Variants in NEK5 observed in about 807,000 individuals in gnomAD.
NEK5 encodes NIMA related kinase 5.
A neutral mutation model predicts 109.2 loss-of-function variants in NEK5; 88 were observed. The ratio of observed to expected loss-of-function variants is 0.81; its 90% CI spans 0.68 to 0.96. The LOEUF (loss-of-function observed/expected upper bound fraction) is 0.96. NEK5 is among the 40% of genes least tolerant of loss of function. The pLI is 0.00. For synonymous variants in NEK5, 283 were observed against 299.9 expected (o/e 0.94, Z 0.58); for missense variants, 834 against 920.7 (o/e 0.91, Z 1.22).
Position 52,118,988 on chromosome 13 carries a change from T to C in NEK5, c.214+331A>G, listed in dbSNP as rs1308590984. Among the ~76,000 whole-genome samples, 6 of 152,204 alleles carry C rather than the reference T, an allele frequency of 3.9e-5. No individual in the cohort carries two copies. In the South Asian group the frequency reaches 1.0e-3, roughly 26 times the overall value. ...ACCCCAGCCCACCACAGCTAGCATG[T>C]AATGTAAGTGAGAAATAGATGTGTC... On this transcript the variant is annotated intron_variant, in intron 4 of 23. Coordinates refer to ENST00000684899, the MANE Select transcript of NEK5 (RefSeq NM_001365552.1).
chr13:52,075,735 G>T (rs1279946474), intron 19 of NEK5, 23 bp downstream of exon 19: 4 of 1,429,994 alleles, frequency 2.8e-6, no homozygotes, highest in Non-Finnish European at 3.8e-6. Context: ...CCTACTAATG[G>T]AAATTTAGAC....
intron 21 of NEK5, among the ~76,000 whole-genome samples, chr13:52,064,529 C>T (rs1954655996): frequency 6.6e-6 from 1 of 151,266 alleles, no homozygotes; most frequent in African/African-American, 2.4e-5. Context: ...GGCCAGCCGC[C>T]CCGTCCGGGA....
chr13:52,107,529 T>A, intron 8 of NEK5, among the ~76,000 whole-genome samples: 1 of 151,314 alleles, frequency 6.6e-6, no homozygotes, highest in Non-Finnish European at 1.5e-5. Flanking sequence ...GAGGTGGAGG[T>A]TGCAGTGAGC....
chr13:52,081,064 C>T (rs1955003052), intron 17 of NEK5, among the ~76,000 whole-genome samples: 1 of 151,488 alleles, frequency 6.6e-6, no homozygotes, highest in Non-Finnish European at 1.5e-5. Context: ...GAGGCTGGAA[C>T]ATTCTGTTAG....
chr13:52,090,111 A>G (rs1189809253), intron 13 of NEK5, among the ~76,000 whole-genome samples: 3 of 152,222 alleles, frequency 2.0e-5, no homozygotes, highest in Non-Finnish European at 1.5e-5. Flanking sequence ...GGAAAGAAAT[A>G]ATGGTTTAGC....
intron 20 of NEK5, 29 bp from the exon 21 acceptor site, chr13:52,065,638 C>A (rs370528946): frequency 6.5e-7 from 1 of 1,528,220 alleles, no homozygotes; most frequent in Admixed American, 1.7e-5. Flanking sequence ...CTCATTAATT[C>A]GAAAGCAGTC....
chr13:52,087,334 TA>T lies in NEK5; in HGVS notation c.1392+3del. On this transcript the variant is annotated splice_donor_region_variant and intron_variant, in intron 15 of 23. Transcript: ENST00000684899. ...GGTAGCCCTGGAATTAAACAGTTTT[TA>T]ACCTGTTCCTTCATTTCGTTTTTCC... is the stretch of plus-strand genomic sequence containing the variant. The T allele has an allele frequency of 7.0e-7, 1 of 1,424,832 alleles. No homozygotes were observed. Among genetic ancestry groups the T allele is most frequent in the Non-Finnish European group, 9.9e-7 (1 of 1,007,858 alleles). 88.3% of individuals were successfully genotyped at this position (1,424,832 alleles called of 1,614,324 possible). A position where few individuals can be genotyped will look rare whatever the true frequency, so the allele number is the denominator to read the frequency against.
chr13:52,087,483 G>T (rs924560811), intron 14 of NEK5, 29 bp from the exon 15 acceptor site: 29 of 1,114,632 alleles, frequency 2.6e-5, no homozygotes, highest in African/African-American at 6.2e-5. Context: ...AATTTATAAT[G>T]CATACTTTGA....
chr13:52,056,586 T>A (rs2137717008), intron 22 of NEK5, among the ~76,000 whole-genome samples: 1 of 147,300 alleles, frequency 6.8e-6, no homozygotes, highest in African/African-American at 2.5e-5. Flanking sequence ...ACAGAAATTA[T>A]AACAAACTAT....
intron 8 of NEK5, among the ~76,000 whole-genome samples, chr13:52,107,015 C>T (rs920014146): frequency 1.1e-4 from 17 of 152,088 alleles, no homozygotes; most frequent in African/African-American, 4.1e-4. Flanking sequence ...TCATCCTCTT[C>T]AATCTTTCTT....
chr13:52,076,144 C>G lies in NEK5; in HGVS notation c.1573-1G>C. On this transcript the variant is annotated splice_acceptor_variant, in intron 17 of 23. Coordinates refer to ENST00000684899, the MANE Select transcript of NEK5 (RefSeq NM_001365552.1). LOFTEE classifies it high-confidence loss of function. ...TTTGTTTCAAGTCTTTTTCAATGTC[C>G]TGAAAATTTAGAGAAAAATACAATT... The G allele has an allele frequency of 6.4e-7, 1 of 1,559,480 alleles. No homozygotes were observed. The highest frequency in any genetic ancestry group is 8.8e-7 in the Non-Finnish European group (1 of 1,138,678).
chr13:52,059,706 A>G (rs1441931630), intron 22 of NEK5, among the ~76,000 whole-genome samples: 2 of 152,072 alleles, frequency 1.3e-5, no homozygotes, highest in African/African-American at 2.4e-5. Flanking sequence ...TCGCAAGAAC[A>G]AAAAACCAAA....
chr13:52,050,704 T>C (rs1954496406), intron 22 of NEK5, among the ~76,000 whole-genome samples: 1 of 150,924 alleles, frequency 6.6e-6, no homozygotes, highest in Non-Finnish European at 1.5e-5. Flanking sequence ...TAGCACAATA[T>C]TTCATTTGTT....
rs79396937 is a variant in NEK5 at position 52,098,581 on chromosome 13, G to T, written c.1026+1162C>A. On this transcript the variant is annotated intron_variant, in intron 12 of 23. Coordinates refer to ENST00000684899, the MANE Select transcript of NEK5 (RefSeq NM_001365552.1). ...GTGAATTCAAATAATTAAACACAAA[G>T]AATCACTAGGGAAATATCAATTATT... Among the ~76,000 whole-genome samples, 159 of 152,096 alleles carry T rather than the reference G, an allele frequency of 1.0e-3. 3 individuals carry two copies. The East Asian group carries it at 0.03, about 28-fold the overall frequency.
At chr13:52,083,822 T>G (rs1347390975) in intron 16 of NEK5, among the ~76,000 whole-genome samples, 1 of 152,084 alleles carries the variant, frequency 6.6e-6, no homozygotes, top group Non-Finnish European at 1.5e-5. Context: ...AGGCGTGAGC[T>G]ACCGCGCCTG....
intron 3 of NEK5, among the ~76,000 whole-genome samples, chr13:52,125,144 G>A (rs369939328): frequency 3.3e-5 from 5 of 152,136 alleles, no homozygotes; most frequent in South Asian, 2.1e-4. Flanking sequence ...TTGTGATACC[G>A]AGCCTCCAAG....
At chr13:52,076,166 A>C (rs1248181573) in intron 17 of NEK5, 23 bp from the exon 18 acceptor site, 1 of 1,329,350 alleles carries the variant, frequency 7.5e-7, no homozygotes, top group African/African-American at 1.5e-5. Context: ...AGAAAAATAC[A>C]ATTCTCTCAC....
chr13:52,085,037 A>C (rs1027483813), intron 16 of NEK5, among the ~76,000 whole-genome samples: 1 of 152,142 alleles, frequency 6.6e-6, no homozygotes, highest in Non-Finnish European at 1.5e-5. Context: ...AGAAAGTATG[A>C]ACGTGATATG....
intron 23 of NEK5, among the ~76,000 whole-genome samples, chr13:52,045,932 A>G (rs1954455097): frequency 6.8e-6 from 1 of 147,990 alleles, no homozygotes; most frequent in Non-Finnish European, 1.5e-5. Context: ...TTAGCCAGCC[A>G]CGGTGGTGTG....
Sources: gnomAD v4.1 joint callset for allele counts (sites outside exome capture counted in the v4.1 genomes callset) on GRCh38, gnomAD v4.1.1 for gene constraint, MANE v1.5 for transcripts, NCBI Gene and HGNC (gene_info 2026-07-23, HGNC 2026-07-21) for gene names.